The following SLC38A7 variants were observed in gnomAD, a reference collection of about 807,000 sequenced individuals.
SLC38A7 encodes solute carrier family 38 member 7, also known as sodium-coupled neutral amino acid transporter 7.
Under a neutral mutation model 50.1 loss-of-function variants are expected in SLC38A7, and 29 were observed. The observed-to-expected ratio is 0.58, with a 90% CI of 0.43 to 0.79. The LOEUF (loss-of-function observed/expected upper bound fraction) is 0.79. SLC38A7 is among the 30% of genes least tolerant of loss of function. The probability of loss-of-function intolerance (pLI) is 0.00; values close to 1 mark genes in which losing one functional copy is unlikely to be tolerated. For synonymous variants in SLC38A7, 244 were observed against 245.9 expected, an observed-to-expected ratio of 0.99 and a Z score of 0.07; for missense variants, 483 against 610.6, an observed-to-expected ratio of 0.79 and a Z score of 2.20.
intron 8 of SLC38A7, among the ~76,000 whole-genome samples, chr16:58,672,734 C>G (rs1294207311): frequency 6.6e-6 from 1 of 152,094 alleles, no homozygotes. Context: ...GCAGCCTTGA[C>G]CTCCTCGGCT....
intron 8 of SLC38A7, among the ~76,000 whole-genome samples, chr16:58,674,959 C>T (rs978400753): frequency 6.6e-6 from 1 of 152,128 alleles, no homozygotes; most frequent in Non-Finnish European, 1.5e-5. Flanking sequence ...CAGCAGCCCT[C>T]GAGGCCCAAC....
At chr16:58,671,644 C>T (rs1368487705) in intron 9 of SLC38A7, 4 of 246,836 alleles carry the variant, frequency 1.6e-5, no homozygotes, top group Non-Finnish European at 3.2e-5. Context: ...TCACTGCAGC[C>T]TTGAACTCCT....
chr16:58,672,513 T>C (rs534417811), intron 8 of SLC38A7, among the ~76,000 whole-genome samples: 1 of 152,344 alleles, frequency 6.6e-6, no homozygotes, highest in African/African-American at 2.4e-5. Context: ...CTGACTGTTC[T>C]GTCTGGCAGA....
chr16:58,679,873 C>A lies in SLC38A7; in HGVS notation c.254G>T (p.Gly85Val), dbSNP rs1251208323. ...TGCACTCACCATCTGCAGTGCGATG[C>A]CTGCTGCCACGCCCCCCGCAGTGCT... is the stretch of plus-strand genomic sequence containing the variant. The part of the protein sequence containing the change: ...AFSTAGGVAA[G>V]IALQMGMLVF... The change falls in exon 3 of 12, where the codon GGC (glycine) becomes GTC (valine). Residue 85 changes from glycine to valine, a missense_variant. By Grantham distance (109) the Gly-to-Val change is moderately radical (BLOSUM62 -3). Coordinates refer to ENST00000219320, the MANE Select transcript of SLC38A7 (RefSeq NM_018231.3). 2 of 1,613,906 alleles carry A rather than the reference C, an allele frequency of 1.2e-6. No homozygotes were observed. Among genetic ancestry groups the A allele is most frequent in the East Asian group, 2.2e-5 (1 of 44,882 alleles).
intron 5 of SLC38A7, chr16:58,677,659 G>A (rs2044298694): frequency 1.9e-6 from 1 of 523,218 alleles, no homozygotes; most frequent in South Asian, 2.1e-5. Flanking sequence ...CCATCAGGAA[G>A]TGCTGGTTCA....
chr16:58,677,504 G>C, intron 5 of SLC38A7, 80 bp from the exon 6 acceptor site: 1 of 1,254,228 alleles, frequency 8.0e-7, no homozygotes, highest in Admixed American at 1.8e-5. Context: ...TCCACCTTCA[G>C]CTCTAGCGAC....
Position 58,671,175 on chromosome 16 carries a change from C to A in SLC38A7, c.1101G>T (p.Arg367=). 1.5e-5 allele frequency: 24 copies of A among 1,613,964 alleles called. No individual in the cohort carries two copies. Among genetic ancestry groups the A allele is most frequent in the Non-Finnish European group, 2.0e-5 (24 of 1,179,936 alleles). The part of the protein sequence containing the change: ...VPVEEDVGRE[R]RRRVLQTLVW... ...CCAGCGTCTGCAGCACTCGCCGCCG[C>A]CGCTCCCGCCCCACGTCCTCCTCCA... The change falls in exon 10 of 12, where the codon CGG becomes CGT. Residue 367 remains arginine (R), a synonymous_variant. Coordinates refer to ENST00000219320, the MANE Select transcript of SLC38A7 (RefSeq NM_018231.3).
chr16:58,668,748 GAAAT>G (rs2044096376), intron 11 of SLC38A7, among the ~76,000 whole-genome samples: 1 of 103,032 alleles, frequency 9.7e-6, no homozygotes, highest in Non-Finnish European at 2.0e-5. Flanking sequence ...AAAAAAAAAA[GAAAT>G]AAAGGGTGAT....
chr16:58,677,180 C>T (rs2044285825), intron 6 of SLC38A7, 146 bp downstream of exon 6: 3 of 643,524 alleles, frequency 4.7e-6, no homozygotes, highest in East Asian at 2.6e-5. Context: ...GGGCTCTTTC[C>T]TCCTTCCTAC....
Position 58,678,805 on chromosome 16 carries a change from C to T in SLC38A7, c.360G>A (p.Trp120Ter). 6.2e-7 allele frequency: 1 copy of T among 1,614,226 alleles called. No homozygotes were observed. The highest frequency in any genetic ancestry group is 8.5e-7 in the Non-Finnish European group (1 of 1,180,044). The part of the protein sequence containing the change: ...SNERTYQEVV[W>*]AVCGKLTGVL... Reference sequence around the variant, plus strand: ...CACCTGTCAGCTTGCCACACACAGCCCATACCACCTCCTGGTAGGTCCTCT... The same window carrying T: ...CACCTGTCAGCTTGCCACACACAGCTCATACCACCTCCTGGTAGGTCCTCT... The change falls in exon 4 of 12, where the codon TGG becomes TGA. Residue 120 changes from tryptophan to a stop codon, truncating the protein, a stop_gained. Coordinates refer to ENST00000219320, the MANE Select transcript of SLC38A7 (RefSeq NM_018231.3). LOFTEE classifies it high-confidence loss of function. This position sits in a 1 kb window ranked among gnomAD's most constrained non-coding sequence, Gnocchi z 4.0.
In SLC38A7 at chr16:58,671,208, C is replaced by G. The variant is rs750193788; in HGVS notation, c.1068G>C (p.Gly356=). 3.9e-5 allele frequency: 63 copies of G among 1,613,796 alleles called. No individual in the cohort carries two copies. Among genetic ancestry groups the G allele is most frequent in the Non-Finnish European group, 5.2e-5 (61 of 1,179,902 alleles). The part of the protein sequence containing the change: ...VVEGLWLRYQ[G]VPVEEDVGRE... ...GCCCCACGTCCTCCTCCACTGGCAC[C>G]CCCTGGTAGCGCAGCCACAGGCCTT... The change falls in exon 10 of 12, where the codon GGG becomes GGC. Residue 356 remains glycine (G), a synonymous_variant. Transcript: ENST00000219320.
chr16:58,667,200 G>T lies in SLC38A7; in HGVS notation c.*185C>A. The T allele has an allele frequency of 1.8e-6, 1 of 561,904 alleles. No individual in the cohort carries two copies. The highest frequency in any genetic ancestry group is 3.1e-6 in the Non-Finnish European group (1 of 319,492). The allele number at this position is 561,904 out of a possible 1,614,324, so 34.8% of individuals were successfully genotyped here. A position where few individuals can be genotyped will look rare whatever the true frequency, so the allele number is the denominator to read the frequency against. Reference sequence around the variant, plus strand: ...ACGGCACTGCCAGGACTGGGGAGCAGGAAGGGGACTGGATTTGAGCTGTCC... The same window carrying T: ...ACGGCACTGCCAGGACTGGGGAGCATGAAGGGGACTGGATTTGAGCTGTCC... On this transcript the variant is annotated 3_prime_UTR_variant, in exon 12 of 12. Coordinates refer to ENST00000219320, the MANE Select transcript of SLC38A7 (RefSeq NM_018231.3).
chr16:58,676,877 A>G (rs895808784), intron 6 of SLC38A7, among the ~76,000 whole-genome samples: 7 of 151,740 alleles, frequency 4.6e-5, no homozygotes, highest in African/African-American at 1.7e-4. Context: ...GATGGTCTCA[A>G]TCTCCTGACC....
In SLC38A7 at chr16:58,678,887, A is replaced by G; in HGVS notation, c.278T>C (p.Leu93Pro). The change falls in exon 4 of 12, where the codon CTG becomes CCG. Residue 93 changes from leucine to proline, a missense_variant. Leu to Pro is a moderately conservative substitution (Grantham distance 98, BLOSUM62 -3). Transcript: ENST00000219320. The surrounding 1 kb of genome is among the most constrained non-coding windows in gnomAD (Gnocchi z 4.0). ...AAGIALQMGM[L>P]VFIISGLVIL... ...GACAAGGCCACTGATGATGAAAACC[A>G]GCATACCCTGCAGGCAGAGGCAGAA... 6.2e-7 allele frequency: 1 copy of G among 1,613,104 alleles called. No homozygotes were observed. Among genetic ancestry groups the G allele is most frequent in the Non-Finnish European group, 8.5e-7 (1 of 1,180,004 alleles).
intron 9 of SLC38A7, chr16:58,671,517 G>A (rs2044158702): frequency 1.8e-6 from 1 of 548,792 alleles, no homozygotes; most frequent in African/African-American, 1.9e-5. Context: ...CCAAAGGGGA[G>A]GGTGTCCATG....
intron 11 of SLC38A7, among the ~76,000 whole-genome samples, chr16:58,668,005 A>G (rs1413636958): frequency 4.6e-5 from 7 of 151,898 alleles, no homozygotes. Flanking sequence ...ATCTCTACTA[A>G]AAACAGAAAA....
Position 58,678,802 on chromosome 16 carries a change from A to C in SLC38A7, c.363T>G (p.Ala121=). 1.9e-6 allele frequency: 3 copies of C among 1,614,230 alleles called. No homozygotes were observed. Among genetic ancestry groups the C allele is most frequent in the Non-Finnish European group, 2.5e-6 (3 of 1,180,040 alleles). The change falls in exon 4 of 12, where the codon GCT becomes GCG. Residue 121 remains alanine, a synonymous_variant. Coordinates refer to ENST00000219320, the MANE Select transcript of SLC38A7 (RefSeq NM_018231.3). This position sits in a 1 kb window ranked among gnomAD's most constrained non-coding sequence, Gnocchi z 4.0. ...NERTYQEVVW[A]VCGKLTGVLC... is the part of the protein sequence containing the mutation. ...GCACACCTGTCAGCTTGCCACACAC[A>C]GCCCATACCACCTCCTGGTAGGTCC...
At chr16:58,677,295 TC>T (rs1273278070) in intron 6 of SLC38A7, 30 bp downstream of exon 6, 4 of 1,596,764 alleles carry the variant, frequency 2.5e-6, no homozygotes, top group Non-Finnish European at 3.4e-6. Context: ...GGTGGCTTCT[TC>T]CCCATGTCTC....
chr16:58,678,830 T>C lies in SLC38A7; in HGVS notation c.335A>G (p.Glu112Gly). Reference protein sequence around the residue: ...ILAYCSQASNERTYQEVVWAV... With the variant: ...ILAYCSQASNGRTYQEVVWAV... The stretch of plus-strand genomic sequence containing the variant: ...CCATACCACCTCCTGGTAGGTCCTC[T>C]CATTGCTGGCCTGGGAGCAGTAGGC... Residue 112 changes from glutamate (E) to glycine (G), a missense_variant, in exon 4 of 12, where the codon GAG becomes GGG. Glu to Gly is a moderately conservative substitution (Grantham distance 98, BLOSUM62 -2). Transcript: ENST00000219320. This position sits in a 1 kb window ranked among gnomAD's most constrained non-coding sequence, Gnocchi z 4.0. 2 of 1,614,138 alleles carry C rather than the reference T, an allele frequency of 1.2e-6. No homozygotes were observed. The highest frequency in any genetic ancestry group is 8.5e-7 in the Non-Finnish European group (1 of 1,180,042).
Sources: gnomAD v4.1 joint callset for allele counts (sites outside exome capture counted in the v4.1 genomes callset) on GRCh38, gnomAD v4.1.1 for gene constraint, Gnocchi (gnomAD v3.1) non-coding constraint, MANE v1.5 for transcripts, NCBI Gene and HGNC (gene_info 2026-07-23, HGNC 2026-07-21) for gene names.